The following DPCD variants were observed in gnomAD, a reference collection of about 807,000 sequenced individuals.
DPCD encodes the protein deleted in primary ciliary dyskinesia homolog (mouse).
Under a neutral mutation model 26.4 loss-of-function variants are expected in DPCD, and 20 were observed. That is an observed-to-expected ratio of 0.76 (90% CI 0.53 to 1.10). DPCD has a LOEUF of 1.10. Among genes scored for constraint, DPCD ranks in the 50% least tolerant of loss-of-function variants. DPCD has a pLI of 0.00. For missense variants in DPCD, 202 were observed against 253.9 expected, an observed-to-expected ratio of 0.80 and a Z score of 1.39; for synonymous variants, 97 against 94.2, an observed-to-expected ratio of 1.03 and a Z score of -0.17.
At chr10:101,599,066 G>A (rs1013378764) in intron 2 of DPCD, among the ~76,000 whole-genome samples, 9 of 152,162 alleles carry the variant, frequency 5.9e-5, no homozygotes, top group African/African-American at 1.9e-4. Context: ...TGACACTGCC[G>A]TCCAGTGTGA....
intron 1 of DPCD, 114 bp from the exon 2 acceptor site, chr10:101,594,544 C>A: frequency 1.0e-6 from 1 of 979,620 alleles, no homozygotes; most frequent in Non-Finnish European, 1.6e-6. Context: ...GAGGTCCTGG[C>A]TGGGTTCCTC....
chr10:101,598,784 C>G (rs2063672319), intron 2 of DPCD, among the ~76,000 whole-genome samples: 1 of 151,758 alleles, frequency 6.6e-6, no homozygotes, highest in Non-Finnish European at 1.5e-5. Flanking sequence ...GCCACCACAC[C>G]CAGCTAATGT....
rs532475326 is a variant in DPCD, at chr10:101,590,501, C to T, written c.64+2101C>T. 1.3e-4 allele frequency among the ~76,000 whole-genome samples: 19 copies of T among 151,624 alleles called. No homozygotes were observed. In the South Asian group the frequency reaches 1.5e-3, roughly 12 times the overall value. ...TTTAATCATTTTTAAGTGTACAGTT[C>T]TGTGGCATTAAGTACATTCACATTG... On this transcript the variant is annotated intron_variant, in intron 1 of 5. Coordinates refer to ENST00000370151, the MANE Select transcript of DPCD (RefSeq NM_015448.3).
At chr10:101,598,495 C>G (rs1024660485) in intron 2 of DPCD, among the ~76,000 whole-genome samples, 7 of 151,800 alleles carry the variant, frequency 4.6e-5, no homozygotes, top group Admixed American at 1.3e-4. Context: ...CTCCTTGAGC[C>G]TCAGTAATTC....
At chr10:101,605,430 A>G (rs1037060185) in intron 4 of DPCD, among the ~76,000 whole-genome samples, 2 of 152,232 alleles carry the variant, frequency 1.3e-5, no homozygotes, top group African/African-American at 4.8e-5. Context: ...GAAGACAGGT[A>G]CAGAGTTGGC....
At chr10:101,597,919 T>G (rs2063665734) in intron 2 of DPCD, among the ~76,000 whole-genome samples, 1 of 152,168 alleles carries the variant, frequency 6.6e-6, no homozygotes, top group Non-Finnish European at 1.5e-5. Context: ...GGGTCTTATC[T>G]CTAGAGGGAA....
At chr10:101,594,559 C>A in intron 1 of DPCD, 99 bp from the exon 2 acceptor site, 2 of 1,227,054 alleles carry the variant, frequency 1.6e-6, no homozygotes, top group Non-Finnish European at 1.2e-6. Context: ...TTCCTCAGTA[C>A]TCCCAAGGCT....
chr10:101,592,925 A>C (rs2134755081), intron 1 of DPCD, among the ~76,000 whole-genome samples: 2 of 143,606 alleles, frequency 1.4e-5, no homozygotes, highest in Middle Eastern at 8.6e-3. Context: ...GAGGCAGGAG[A>C]ATTGCTTAAA....
chr10:101,596,992 GT>G (rs2063656813), intron 2 of DPCD, among the ~76,000 whole-genome samples: 1 of 152,062 alleles, frequency 6.6e-6, no homozygotes. Flanking sequence ...TTAGTGTCCT[GT>G]TTTTTTCCTA....
intron 4 of DPCD, among the ~76,000 whole-genome samples, chr10:101,601,840 T>G (rs1266356608): frequency 3.9e-5 from 6 of 151,996 alleles, no homozygotes; most frequent in Non-Finnish European, 8.8e-5. Context: ...ACCTAATCCC[T>G]CCCCAGACTG....
At chr10:101,589,163 G>T (rs1335437722) in intron 1 of DPCD, among the ~76,000 whole-genome samples, 1 of 152,164 alleles carries the variant, frequency 6.6e-6, no homozygotes, top group Non-Finnish European at 1.5e-5. Flanking sequence ...ATGTTCACAG[G>T]CAGGGGCCAA....
chr10:101,604,340 T>C (rs1187896997), intron 4 of DPCD, among the ~76,000 whole-genome samples: 1 of 152,326 alleles, frequency 6.6e-6, no homozygotes, highest in East Asian at 1.9e-4. Context: ...GAAATGCACA[T>C]CATGGCATTT....
intron 4 of DPCD, among the ~76,000 whole-genome samples, chr10:101,607,206 TC>T (rs2063738486): frequency 6.6e-6 from 1 of 152,180 alleles, no homozygotes; most frequent in South Asian, 2.1e-4. Flanking sequence ...TCCTAACAAG[TC>T]TTTGTGTTCA....
At chr10:101,590,634 T>C (rs548372980) in intron 1 of DPCD, among the ~76,000 whole-genome samples, 1 of 150,652 alleles carries the variant, frequency 6.6e-6, no homozygotes, top group South Asian at 2.1e-4. Flanking sequence ...ACCCAGGCTG[T>C]GGGGTACGAT....
intron 5 of DPCD, 110 bp downstream of exon 5, chr10:101,609,047 A>G (rs2063754106): frequency 1.1e-6 from 1 of 949,864 alleles, no homozygotes; most frequent in African/African-American, 1.6e-5. Context: ...GCCCTAGGGT[A>G]TGCTTGTGGG....
chr10:101,589,979 C>T (rs1050670485), intron 1 of DPCD, among the ~76,000 whole-genome samples: 3 of 148,830 alleles, frequency 2.0e-5, no homozygotes, highest in Admixed American at 1.4e-4. Flanking sequence ...CTTGAGCCAG[C>T]GAGGTAGACG....
At chr10:101,588,447 T>C in intron 1 of DPCD, 47 bp downstream of exon 1, 1 of 1,550,058 alleles carries the variant, frequency 6.5e-7, no homozygotes, top group African/African-American at 1.4e-5. Context: ...TCCCTCAGGG[T>C]CCGGCCCTCC....
chr10:101,588,617 C>G (rs1216204991), intron 1 of DPCD: 1 of 1,381,012 alleles, frequency 7.2e-7, no homozygotes, highest in East Asian at 2.7e-5. Flanking sequence ...CACCATCTCG[C>G]TCCGCTCTGA....
In DPCD at chr10:101,593,218, C is replaced by T. The variant is rs180799605; in HGVS notation, c.65-1440C>T. 3.5e-4 allele frequency among the ~76,000 whole-genome samples: 54 copies of T among 152,224 alleles called. 1 individual carries two copies. Among genetic ancestry groups the T allele is most frequent in the South Asian group, 1.0e-3 (5 of 4,816 alleles). On this transcript the variant is annotated intron_variant, in intron 1 of 5. Coordinates refer to ENST00000370151, the MANE Select transcript of DPCD (RefSeq NM_015448.3). ...TCCTCCCAGGCAGTACCTTGGATCC[C>T]GCTCCTGACAGGAGAGCCCTTTCTA...
Sources: gnomAD v4.1 joint callset for allele counts (sites outside exome capture counted in the v4.1 genomes callset) on GRCh38, gnomAD v4.1.1 for gene constraint, MANE v1.5 for transcripts, NCBI Gene and HGNC (gene_info 2026-07-23, HGNC 2026-07-21) for gene names.